The following SLC2A10 variants were observed in gnomAD, a reference collection of about 807,000 sequenced individuals.
SLC2A10 encodes the protein solute carrier family 2, facilitated glucose transporter member 10.
SLC2A10 carries 25 observed loss-of-function variants against 32.1 expected under a neutral mutation model. That is an observed-to-expected ratio of 0.78 (90% confidence interval 0.57 to 1.09). The LOEUF is 1.09. Ranked by LOEUF, SLC2A10 falls within the 50% of genes least tolerant of loss-of-function variation. The probability of loss-of-function intolerance (pLI) is 0.00; values close to 1 mark genes in which losing one functional copy is unlikely to be tolerated. For missense variants in SLC2A10, 673 were observed against 686.5 expected (o/e 0.98, Z 0.22); for synonymous variants, 332 against 309.6 (o/e 1.07, Z -0.76).
chr20:46,723,948 A>C (rs558780672), intron 1 of SLC2A10, among the ~76,000 whole-genome samples: 2 of 152,350 alleles, frequency 1.3e-5, no homozygotes, highest in African/African-American at 4.8e-5. Flanking sequence ...GGCATTTAGT[A>C]AGGGCCATAT....
At chr20:46,711,452 C>A (rs2122992961) in intron 1 of SLC2A10, among the ~76,000 whole-genome samples, 1 of 152,196 alleles carries the variant, frequency 6.6e-6, no homozygotes, top group South Asian at 2.1e-4. Flanking sequence ...ACAGGAGAGT[C>A]CATCCTCTTA....
intron 1 of SLC2A10, among the ~76,000 whole-genome samples, chr20:46,723,118 G>C (rs1979648263): frequency 6.6e-6 from 1 of 152,138 alleles, no homozygotes; most frequent in Non-Finnish European, 1.5e-5. Flanking sequence ...TGGTATGGTA[G>C]GCTTACTGCC....
chr20:46,716,432 C>T (rs146207725), intron 1 of SLC2A10, among the ~76,000 whole-genome samples: 19,416 of 152,022 alleles, frequency 0.13, 1,589 homozygotes, highest in African/African-American at 0.23. Flanking sequence ...GGATTACAGG[C>T]GTGAGCCACC....
In SLC2A10 at chr20:46,729,363, C is replaced by T. The variant is rs369038923; in HGVS notation, c.1422C>T (p.Gly474=). ...LSFLDLIGTI[G]LSWTFLLYGL... is the part of the protein sequence containing the mutation. ...CCCTCCTGTTTCCAGGCACCATCGG[C>T]TTGTCCTGGACCTTCCTGCTCTACG... Residue 474 remains glycine, a synonymous_variant, in exon 4 of 5, where the codon GGC becomes GGT. Transcript: ENST00000359271. 6.2e-7 allele frequency: 1 copy of T among 1,613,814 alleles called. No individual in the cohort carries two copies. The highest frequency in any genetic ancestry group is 8.5e-7 in the Non-Finnish European group (1 of 1,179,990).
rs760835814 is a variant in SLC2A10, at chr20:46,726,069, T to C, written c.1033T>C (p.Ser345Pro). ...CGGGCAGACAGGCCTCCCTGGAGAC[T>C]CTGGCCTGCTGCAGGACTCCTCTCT... ...ATGQTGLPGDSGLLQDSSLPP... is the reference protein window; with the variant it reads ...ATGQTGLPGDPGLLQDSSLPP... The change falls in exon 2 of 5, where the codon TCT becomes CCT. Residue 345 changes from serine to proline, a missense_variant. By Grantham distance (74) the Ser-to-Pro change is moderately conservative. Transcript: ENST00000359271. 28 of 1,614,100 alleles carry C rather than the reference T, an allele frequency of 1.7e-5. No individual in the cohort carries two copies. The highest frequency in any genetic ancestry group is 2.2e-5 in the Non-Finnish European group (26 of 1,180,046).
chr20:46,733,500 GT>G (rs931682313), intron 4 of SLC2A10, among the ~76,000 whole-genome samples: 1 of 152,146 alleles, frequency 6.6e-6, no homozygotes, highest in Non-Finnish European at 1.5e-5. Flanking sequence ...AGATTTTTGC[GT>G]TTAGGAAGGT....
intron 4 of SLC2A10, among the ~76,000 whole-genome samples, chr20:46,730,648 G>C (rs1980249004): frequency 6.6e-6 from 1 of 152,168 alleles, no homozygotes; most frequent in Non-Finnish European, 1.5e-5. Context: ...GGGAGGAAGG[G>C]AAGAGCGTGG....
chr20:46,715,233 C>CGTTTGTTG (rs1555886974), intron 1 of SLC2A10, among the ~76,000 whole-genome samples: 1 of 151,138 alleles, frequency 6.6e-6, no homozygotes, highest in East Asian at 2.0e-4. Context: ...TTTTATTTCA[C>CGTTTGTTG]GTTTGTTTGT....
intron 1 of SLC2A10, among the ~76,000 whole-genome samples, chr20:46,719,465 G>A (rs550390921): frequency 5.3e-5 from 8 of 152,316 alleles, no homozygotes; most frequent in African/African-American, 1.9e-4. Flanking sequence ...CAAAATCATG[G>A]TGGAAGGTGA....
At chr20:46,710,370 C>G in intron 1 of SLC2A10, 1 of 262,202 alleles carries the variant, frequency 3.8e-6, no homozygotes, top group Non-Finnish European at 7.1e-6. Context: ...CTACTACGTG[C>G]CAGACATTGA....
rs1980524743 is a variant in SLC2A10, at chr20:46,735,533, T to C, written c.*1699T>C. 1 of 152,266 alleles carries C rather than the reference T, an allele frequency of 6.6e-6. No individual in the cohort carries two copies. The highest frequency in any genetic ancestry group is 1.5e-5 in the Non-Finnish European group (1 of 68,042). The allele number at this position is 152,266 out of a possible 1,614,324, so 9.4% of individuals were successfully genotyped here. ...CTGTGCTTTTGAGGCTATTTCTACA[T>C]AGTAACTCTTATGGAGACCTAGGGG... On this transcript the variant is annotated 3_prime_UTR_variant, in exon 5 of 5. Transcript: ENST00000359271.
At chr20:46,727,224 A>G (rs914459338) in intron 3 of SLC2A10, among the ~76,000 whole-genome samples, 1 of 152,238 alleles carries the variant, frequency 6.6e-6, no homozygotes. Flanking sequence ...GTCAACCGGC[A>G]GGAGTAAGAG....
intron 3 of SLC2A10, among the ~76,000 whole-genome samples, chr20:46,728,604 GTTT>G (rs778644499): frequency 9.5e-4 from 96 of 101,326 alleles, no homozygotes; most frequent in Middle Eastern, 6.0e-3. Context: ...TTCTGGGTGT[GTTT>G]TTTTTTTTTT....
chr20:46,709,846 G>A, intron 1 of SLC2A10, 106 bp downstream of exon 1: 1 of 1,375,496 alleles, frequency 7.3e-7, no homozygotes, highest in African/African-American at 1.5e-5. Context: ...CTCCCCCAGG[G>A]CCGCCCCGGC....
chr20:46,712,419 T>TC (rs1379185857), intron 1 of SLC2A10, among the ~76,000 whole-genome samples: 1 of 151,632 alleles, frequency 6.6e-6, no homozygotes, highest in East Asian at 1.9e-4. Flanking sequence ...TTCTCCCCCC[T>TC]CCCCCTGCCC....
chr20:46,713,586 G>T (rs543034891), intron 1 of SLC2A10, among the ~76,000 whole-genome samples: 1 of 152,288 alleles, frequency 6.6e-6, no homozygotes, highest in African/African-American at 2.4e-5. Flanking sequence ...GAGGACGTTG[G>T]CTTTTCTTAG....
At chr20:46,712,723 G>A (rs80287892) in intron 1 of SLC2A10, among the ~76,000 whole-genome samples, 7,409 of 134,202 alleles carry the variant, frequency 0.055, 262 homozygotes, top group East Asian at 0.24. Context: ...GTACAGTCTC[G>A]GCTCACTGCA....
Position 46,734,115 on chromosome 20 carries a change from T to G in SLC2A10, c.*281T>G. 1 of 497,862 alleles carries G rather than the reference T, an allele frequency of 2.0e-6. No individual in the cohort carries two copies. Among genetic ancestry groups the G allele is most frequent in the Non-Finnish European group, 3.6e-6 (1 of 274,108 alleles). 30.8% of individuals were successfully genotyped at this position (497,862 alleles called of 1,614,324 possible). ...TGCAGTATTTATAAGAAGAATATTC[T>G]ATGAAGTCTTTGTTGCACCATGGAC... On this transcript the variant is annotated 3_prime_UTR_variant, in exon 5 of 5. Transcript: ENST00000359271.
Position 46,720,816 on chromosome 20 carries a change from T to A in SLC2A10, c.5-4225T>A, listed in dbSNP as rs541222544. On this transcript the variant is annotated intron_variant, in intron 1 of 4. Coordinates refer to ENST00000359271, the MANE Select transcript of SLC2A10 (RefSeq NM_030777.4). ...GTGTCAGGAGCCCTTTGGAAGAGAC[T>A]GATCTAGTAACATTTCCTCATTTTA... Among the ~76,000 whole-genome samples the A allele has an allele frequency of 4.6e-5, 7 of 152,374 alleles. No homozygotes were observed. The East Asian group carries it at 1.3e-3, about 29-fold the overall frequency.
Sources: gnomAD v4.1 joint callset for allele counts (sites outside exome capture counted in the v4.1 genomes callset) on GRCh38, gnomAD v4.1.1 for gene constraint, MANE v1.5 for transcripts, NCBI Gene and HGNC (gene_info 2026-07-23, HGNC 2026-07-21) for gene names.